CPQ: variants seen among roughly 807,000 people sequenced by gnomAD.
The protein encoded by CPQ is carboxypeptidase Q, also known as Ser-Met dipeptidase.
In CPQ, 37 loss-of-function variants were observed where a neutral mutation model predicts 45.7. That is an observed-to-expected ratio of 0.81 (90% CI 0.62 to 1.07). The LOEUF is 1.07. CPQ is among the 50% of genes least tolerant of loss of function. The pLI, the probability that CPQ is intolerant of heterozygous loss-of-function variation, is 0.00. For synonymous variants in CPQ, 186 were observed against 205.8 expected, an observed-to-expected ratio of 0.90 and a Z score of 0.82; for missense variants, 537 against 572.9, an observed-to-expected ratio of 0.94 and a Z score of 0.64.
intron 7 of CPQ, among the ~76,000 whole-genome samples, chr8:97,096,815 T>C (rs889636124): frequency 1.3e-5 from 2 of 152,230 alleles, no homozygotes; most frequent in South Asian, 2.1e-4. Flanking sequence ...GTTGCTGCCA[T>C]GCAGGCATCT....
chr8:96,707,971 G>C (rs181023551), intron 1 of CPQ, among the ~76,000 whole-genome samples: 27 of 152,242 alleles, frequency 1.8e-4, no homozygotes, highest in Non-Finnish European at 3.5e-4. Flanking sequence ...ATCTAGCACT[G>C]TTCTCACTGG....
chr8:97,035,608 A>T (rs1417242246), intron 6 of CPQ, among the ~76,000 whole-genome samples: 1 of 152,192 alleles, frequency 6.6e-6, no homozygotes, highest in Non-Finnish European at 1.5e-5. Context: ...GAAGAGTTAC[A>T]AGAAAAATCC....
chr8:96,727,765 T>A (rs1809862802), intron 1 of CPQ, among the ~76,000 whole-genome samples: 1 of 152,120 alleles, frequency 6.6e-6, no homozygotes, highest in Non-Finnish European at 1.5e-5. Flanking sequence ...TATAACACTA[T>A]CAGGAGCAGT....
chr8:96,904,473 A>T (rs888026393), intron 4 of CPQ, among the ~76,000 whole-genome samples: 1 of 152,158 alleles, frequency 6.6e-6, no homozygotes, highest in African/African-American at 2.4e-5. Flanking sequence ...GAGATCTGGG[A>T]TCTGATTGCA....
chr8:97,009,187 T>C (rs1011064892), intron 5 of CPQ, among the ~76,000 whole-genome samples: 8 of 152,258 alleles, frequency 5.3e-5, no homozygotes, highest in African/African-American at 1.7e-4. Flanking sequence ...TGTCAGGCGC[T>C]GAGCACTTGT....
At chr8:96,659,835 T>C (rs1184148828) in intron 1 of CPQ, among the ~76,000 whole-genome samples, 1 of 152,220 alleles carries the variant, frequency 6.6e-6, no homozygotes, top group African/African-American at 2.4e-5. Flanking sequence ...CTATGAATTT[T>C]GCCCACATCC....
chr8:96,711,344 G>A (rs1206040601), intron 1 of CPQ, among the ~76,000 whole-genome samples: 1 of 152,090 alleles, frequency 6.6e-6, no homozygotes, highest in African/African-American at 2.4e-5. Context: ...ATACTGAGAT[G>A]TGTGTACTGT....
At chr8:96,871,346 C>T (rs1008637157) in intron 3 of CPQ, among the ~76,000 whole-genome samples, 51 of 152,040 alleles carry the variant, frequency 3.4e-4, no homozygotes, top group Admixed American at 2.4e-3. Context: ...CTGCCTAGAT[C>T]GAACACTGAT....
chr8:97,075,168 GA>G, intron 7 of CPQ, among the ~76,000 whole-genome samples: 1 of 152,280 alleles, frequency 6.6e-6, no homozygotes, highest in South Asian at 2.1e-4. Context: ...AATTGCTTTA[GA>G]AAATCAGATA....
chr8:96,784,952 T>C lies in CPQ; in HGVS notation c.55T>C (p.Ser19Pro), dbSNP rs1810742728. 6.2e-7 allele frequency: 1 copy of C among 1,613,748 alleles called. No individual in the cohort carries two copies. Among genetic ancestry groups the C allele is most frequent in the Non-Finnish European group, 8.5e-7 (1 of 1,179,742 alleles). ...FGGVHLLSLC[S>P]GKAICKNGIS... ...TGGTGTTCACCTTTTATCCCTGTGC[T>C]CTGGGAAAGCTATATGCAAGAATGG... The change falls in exon 2 of 8, where the codon TCT becomes CCT. Residue 19 changes from serine to proline, a missense_variant. Physicochemically the swap from Ser to Pro is moderately conservative, Grantham distance 74. Coordinates refer to ENST00000220763, the MANE Select transcript of CPQ (RefSeq NM_016134.4).
intron 6 of CPQ, among the ~76,000 whole-genome samples, chr8:97,065,724 G>A (rs1039502833): frequency 6.6e-6 from 1 of 152,168 alleles, no homozygotes; most frequent in African/African-American, 2.4e-5. Flanking sequence ...ATTATTGCTA[G>A]TAGAAATAAC....
At chr8:97,001,560 A>G (rs1385809729) in intron 5 of CPQ, among the ~76,000 whole-genome samples, 3 of 152,158 alleles carry the variant, frequency 2.0e-5, no homozygotes, top group Admixed American at 6.5e-5. Context: ...TGATTTGCAT[A>G]TGTTGAACCA....
chr8:96,749,665 G>A (rs377345497), intron 1 of CPQ, among the ~76,000 whole-genome samples: 17 of 152,298 alleles, frequency 1.1e-4, no homozygotes, highest in African/African-American at 3.8e-4. Flanking sequence ...GAGAATAAGC[G>A]AAATTCAAGG....
Position 97,099,115 on chromosome 8 carries a change from C to CTTTTTTTTTTTTTT in CPQ, c.1255+32919_1255+32932dup, listed in dbSNP as rs34830752. 6.0e-5 allele frequency among the ~76,000 whole-genome samples: 4 copies of CTTTTTTTTTTTTTT among 66,316 alleles called. 1 individual carries two copies. Among genetic ancestry groups the CTTTTTTTTTTTTTT allele is most frequent in the Non-Finnish European group, 1.0e-4 (4 of 38,596 alleles). 43.5% of individuals were successfully genotyped at this position (66,316 alleles called of 152,430 possible). On this transcript the variant is annotated intron_variant, in intron 7 of 7. Transcript: ENST00000220763. Reference sequence around the variant, plus strand: ...GAAGTCCCAAAACTCCCTTCTCTCTCTTTTTTTTTTTTTTTTTTTTTTTTT... The same window carrying CTTTTTTTTTTTTTT: ...GAAGTCCCAAAACTCCCTTCTCTCTCTTTTTTTTTTTTTTTTTTTTTTTTTTTTTTTTTTTTTTT...
intron 1 of CPQ, among the ~76,000 whole-genome samples, chr8:96,711,898 A>G (rs1809612824): frequency 6.6e-6 from 1 of 152,102 alleles, no homozygotes; most frequent in South Asian, 2.1e-4. Flanking sequence ...CATTAACCCA[A>G]AAGTCCAAGT....
chr8:96,749,241 A>G (rs1157523116), intron 1 of CPQ, among the ~76,000 whole-genome samples: 1 of 152,178 alleles, frequency 6.6e-6, no homozygotes, highest in African/African-American at 2.4e-5. Context: ...AGAACACAAG[A>G]TCTTATGTGT....
chr8:96,849,503 A>T (rs1353749510), intron 3 of CPQ, among the ~76,000 whole-genome samples: 1 of 152,172 alleles, frequency 6.6e-6, no homozygotes, highest in African/African-American at 2.4e-5. Context: ...ACTGTGAATC[A>T]CCTAAGCACA....
At chr8:96,993,549 T>C (rs1036063801) in intron 5 of CPQ, among the ~76,000 whole-genome samples, 1 of 152,174 alleles carries the variant, frequency 6.6e-6, no homozygotes, top group Admixed American at 6.6e-5. Flanking sequence ...AAGTTTTATT[T>C]TCTTTGTTAA....
intron 2 of CPQ, among the ~76,000 whole-genome samples, chr8:96,793,501 G>A (rs1331231446): frequency 6.6e-6 from 1 of 152,072 alleles, no homozygotes; most frequent in Non-Finnish European, 1.5e-5. Flanking sequence ...CCTCCCACTG[G>A]GTCCTTCCCA....
Sources: gnomAD v4.1 joint callset for allele counts (sites outside exome capture counted in the v4.1 genomes callset) on GRCh38, gnomAD v4.1.1 for gene constraint, MANE v1.5 for transcripts, NCBI Gene and HGNC (gene_info 2026-07-23, HGNC 2026-07-21) for gene names.